The following BBX variants were observed in gnomAD, a reference collection of about 807,000 sequenced individuals.
The protein encoded by BBX is BBX high mobility group box domain containing, also known as HMG box transcription factor BBX.
In BBX, 30 loss-of-function variants were observed where a neutral mutation model predicts 100.2. The observed-to-expected ratio is 0.30, with a 90% CI of 0.22 to 0.41. The LOEUF is 0.41. Ranked by LOEUF, BBX falls within the 10% of genes least tolerant of loss-of-function variation. The pLI is 1.00. For synonymous variants in BBX, 376 were observed against 388.1 expected (o/e 0.97, Z 0.37); for missense variants, 1,023 against 1,129.8 (o/e 0.91, Z 1.35).
chr3:107,754,154 C>T (rs1308521281), intron 9 of BBX, among the ~76,000 whole-genome samples: 1 of 152,134 alleles, frequency 6.6e-6, no homozygotes, highest in South Asian at 2.1e-4. Context: ...CTGTGTGGCA[C>T]AAAGGCCATA....
chr3:107,689,479 A>G (rs997543309), intron 3 of BBX, among the ~76,000 whole-genome samples: 1 of 152,206 alleles, frequency 6.6e-6, no homozygotes, highest in Non-Finnish European at 1.5e-5. Context: ...CTCTCCATCA[A>G]TAAAGCGTAT....
At chr3:107,665,460 C>G (rs1346943472) in intron 3 of BBX, among the ~76,000 whole-genome samples, 1 of 152,088 alleles carries the variant, frequency 6.6e-6, no homozygotes, top group Non-Finnish European at 1.5e-5. Flanking sequence ...TTGTCACTGT[C>G]TGAGCACCAC....
chr3:107,673,923 G>A (rs186978429), intron 3 of BBX, among the ~76,000 whole-genome samples: 2 of 152,056 alleles, frequency 1.3e-5, no homozygotes, highest in Non-Finnish European at 2.9e-5. Flanking sequence ...CACTGTCCTC[G>A]TGACAGTCTT....
At chr3:107,746,232 G>A (rs931526957) in intron 8 of BBX, among the ~76,000 whole-genome samples, 23 of 152,036 alleles carry the variant, frequency 1.5e-4, no homozygotes, top group African/African-American at 5.1e-4. Context: ...AACTTTTATA[G>A]AGGGTTGGTA....
At chr3:107,656,354 G>A (rs1220852084) in intron 3 of BBX, among the ~76,000 whole-genome samples, 1 of 151,960 alleles carries the variant, frequency 6.6e-6, no homozygotes, top group Non-Finnish European at 1.5e-5. Flanking sequence ...TTGTTTTCAA[G>A]GTATTTTAGT....
At chr3:107,675,262 C>T (rs2059223322) in intron 3 of BBX, among the ~76,000 whole-genome samples, 1 of 152,094 alleles carries the variant, frequency 6.6e-6, no homozygotes, top group South Asian at 2.1e-4. Flanking sequence ...TGACGGAAAT[C>T]AGAGCTTTTC....
intron 3 of BBX, among the ~76,000 whole-genome samples, chr3:107,692,227 G>A (rs1440389263): frequency 1.4e-5 from 2 of 147,132 alleles, no homozygotes; most frequent in African/African-American, 5.2e-5. Context: ...TAAGTTTTAG[G>A]GTACATGTGC....
intron 2 of BBX, among the ~76,000 whole-genome samples, chr3:107,527,486 A>C (rs2047861910): frequency 6.6e-6 from 1 of 152,216 alleles, no homozygotes; most frequent in Non-Finnish European, 1.5e-5. Context: ...CTGTTGTCTT[A>C]GTATTGAGTT....
At chr3:107,625,537 G>A (rs1313254973) in intron 2 of BBX, among the ~76,000 whole-genome samples, 1 of 152,146 alleles carries the variant, frequency 6.6e-6, no homozygotes, top group Non-Finnish European at 1.5e-5. Flanking sequence ...ACCTGCCTTG[G>A]CCTCCCAAAG....
At chr3:107,578,134 C>G (rs1015962339) in intron 2 of BBX, among the ~76,000 whole-genome samples, 1 of 152,212 alleles carries the variant, frequency 6.6e-6, no homozygotes, top group Non-Finnish European at 1.5e-5. Context: ...TCAATGTTCT[C>G]TCTTAAACAG....
intron 9 of BBX, among the ~76,000 whole-genome samples, chr3:107,754,210 T>C (rs1269218117): frequency 6.6e-6 from 1 of 152,230 alleles, no homozygotes; most frequent in Non-Finnish European, 1.5e-5. Context: ...GCATTTATGT[T>C]CAGTCCTTCA....
chr3:107,740,526 A>G (rs1442776230), intron 7 of BBX, among the ~76,000 whole-genome samples: 1 of 152,072 alleles, frequency 6.6e-6, no homozygotes, highest in Non-Finnish European at 1.5e-5. Flanking sequence ...CTCCACTGAC[A>G]GAATTACCTG....
At chr3:107,709,903 A>G (rs1238994387) in intron 3 of BBX, among the ~76,000 whole-genome samples, 1 of 152,268 alleles carries the variant, frequency 6.6e-6, no homozygotes, top group Non-Finnish European at 1.5e-5. Flanking sequence ...CAAATCTAAA[A>G]TGTTGGATTC....
In BBX at chr3:107,802,016, G is replaced by A. The variant is rs190484778; in HGVS notation, c.2738+735G>A. ...GATGTGAAAACCCTTTGAACTCAGC[G>A]AAGCCCCACAGAAAGTATATTAAGT... On this transcript the variant is annotated intron_variant, in intron 17 of 17. Transcript: ENST00000325805. Among the ~76,000 whole-genome samples, 4 of 152,294 alleles carry A rather than the reference G, an allele frequency of 2.6e-5. No homozygotes were observed. In the East Asian group the frequency reaches 5.8e-4, roughly 22 times the overall value.
At position 107,564,246 on chromosome 3, in the gene BBX, C is replaced by T. The variant is rs1452230469; in HGVS notation, c.-84+37848C>T. Among the ~76,000 whole-genome samples, 3 of 152,120 alleles carry T rather than the reference C, an allele frequency of 2.0e-5. No homozygotes were observed. In the East Asian group the frequency reaches 5.8e-4, roughly 29 times the overall value. On this transcript the variant is annotated intron_variant, in intron 2 of 17. Coordinates refer to ENST00000325805, the MANE Select transcript of BBX (RefSeq NM_001142568.3). ...CTTTCTTTTCTACCTTTTCTTGATA[C>T]TATTTTTGAATGAGCTTTACATATA...
chr3:107,763,612 T>C, intron 10 of BBX, among the ~76,000 whole-genome samples: 1 of 152,186 alleles, frequency 6.6e-6, no homozygotes. Context: ...CCCAGGAACA[T>C]AAAATATAAT....
chr3:107,642,878 A>G (rs2107774878), intron 2 of BBX, among the ~76,000 whole-genome samples: 1 of 152,204 alleles, frequency 6.6e-6, no homozygotes, highest in African/African-American at 2.4e-5. Context: ...GCTTGATTGA[A>G]TTAGGGGTAT....
chr3:107,681,216 T>A (rs1035236257), intron 3 of BBX, among the ~76,000 whole-genome samples: 8 of 152,164 alleles, frequency 5.3e-5, no homozygotes, highest in African/African-American at 1.9e-4. Flanking sequence ...AGAGGTCACG[T>A]AGAAAATATT....
intron 2 of BBX, among the ~76,000 whole-genome samples, chr3:107,619,067 T>G (rs1407044365): frequency 1.3e-5 from 2 of 152,088 alleles, no homozygotes; most frequent in Non-Finnish European, 2.9e-5. Context: ...ATTTTGTAGC[T>G]CCATCTATGC....
Sources: gnomAD v4.1 joint callset for allele counts (sites outside exome capture counted in the v4.1 genomes callset) on GRCh38, gnomAD v4.1.1 for gene constraint, MANE v1.5 for transcripts, NCBI Gene and HGNC (gene_info 2026-07-23, HGNC 2026-07-21) for gene names.